Variants in SPATA16 observed in about 807,000 individuals in gnomAD.
SPATA16 encodes the protein spermatogenesis-associated protein 16.
Under a neutral mutation model 63.3 loss-of-function variants are expected in SPATA16, and 36 were observed. That is an observed-to-expected ratio of 0.57 (90% confidence interval 0.44 to 0.75). The LOEUF (loss-of-function observed/expected upper bound fraction) is 0.75. Ranked by LOEUF, SPATA16 falls within the 30% of genes least tolerant of loss-of-function variation. The probability of loss-of-function intolerance (pLI) is 0.00; values close to 1 mark genes in which losing one functional copy is unlikely to be tolerated. For missense variants in SPATA16, 646 were observed against 679.3 expected (o/e 0.95, Z 0.54); for synonymous variants, 203 against 216.7 (o/e 0.94, Z 0.56).
At chr3:172,925,828 A>T (rs1443524005) in intron 6 of SPATA16, among the ~76,000 whole-genome samples, 1 of 151,628 alleles carries the variant, frequency 6.6e-6, no homozygotes, top group African/African-American at 2.4e-5. Flanking sequence ...AGAGACTTCG[A>T]TTTTTCTTTT....
chr3:173,003,603 C>G (rs1461359612), intron 4 of SPATA16, among the ~76,000 whole-genome samples: 1 of 152,186 alleles, frequency 6.6e-6, no homozygotes, highest in Non-Finnish European at 1.5e-5. Flanking sequence ...CAGCAAGCAT[C>G]TGACAAAGTT....
chr3:173,125,320 T>A (rs2108343599), intron 1 of SPATA16, among the ~76,000 whole-genome samples: 2 of 152,334 alleles, frequency 1.3e-5, no homozygotes, highest in South Asian at 4.1e-4. Flanking sequence ...CATGATCTCC[T>A]CTCTAGATTA....
In SPATA16 at chr3:172,992,235, TA is replaced by T. The variant is rs145144063; in HGVS notation, c.849-15184del. Among the ~76,000 whole-genome samples, 1,502 of 152,286 alleles carry T rather than the reference TA, an allele frequency of 9.9e-3. 26 individuals carry two copies. Among genetic ancestry groups the T allele is most frequent in the African/African-American group, 0.033 (1,382 of 41,556 alleles). On this transcript the variant is annotated intron_variant, in intron 4 of 10. Coordinates refer to ENST00000351008, the MANE Select transcript of SPATA16 (RefSeq NM_031955.6). ...TTTGTCTTTTTAAAAATTGTTTTTT[TA>T]ATTTTGCAAATGTGCCCAGAGGCAT...
rs776183936 is a variant in SPATA16 at position 172,916,302 on chromosome 3, A to G, written c.1503+15T>C. ...TCTGGGCCTATGAAACCCTTAAACA[A>G]AGAAAAATACTTACCAATTCTGCCT... On this transcript the variant is annotated intron_variant, in intron 9 of 10. Coordinates refer to ENST00000351008, the MANE Select transcript of SPATA16 (RefSeq NM_031955.6). 6 of 1,612,736 alleles carry G rather than the reference A, an allele frequency of 3.7e-6. No individual in the cohort carries two copies. The highest frequency in any genetic ancestry group is 5.1e-6 in the Non-Finnish European group (6 of 1,179,296).
intron 4 of SPATA16, among the ~76,000 whole-genome samples, chr3:173,003,201 A>G (rs1170608717): frequency 2.6e-5 from 4 of 152,186 alleles, no homozygotes; most frequent in African/African-American, 9.6e-5. Context: ...GATGAAAGAC[A>G]AACAATCCAG....
chr3:172,980,626 T>G (rs558316554), intron 4 of SPATA16, among the ~76,000 whole-genome samples: 139 of 152,304 alleles, frequency 9.1e-4, no homozygotes, highest in African/African-American at 3.2e-3. Context: ...ACTTCTGCAC[T>G]AGATCTCATC....
rs762096024 is a variant in SPATA16 at position 173,117,682 on chromosome 3, T to C, written c.50A>G (p.Tyr17Cys). The C allele has an allele frequency of 1.2e-5, 20 of 1,614,046 alleles. No individual in the cohort carries two copies. Among genetic ancestry groups the C allele is most frequent in the East Asian group, 2.2e-5 (1 of 44,892 alleles). ...RSLENAVNRIYHDQLVPKINT... is the reference protein window; with the variant it reads ...RSLENAVNRICHDQLVPKINT... ...TATCTTTGGAACAAGCTGATCATGATAGATCCTATTCACTGCATTCTCCAA... is the reference window on the plus strand; with the variant it reads ...TATCTTTGGAACAAGCTGATCATGACAGATCCTATTCACTGCATTCTCCAA... Residue 17 changes from tyrosine (Y) to cysteine (C), a missense_variant, in exon 2 of 11, where the codon TAT (tyrosine) becomes TGT (cysteine). Coordinates refer to ENST00000351008, the MANE Select transcript of SPATA16 (RefSeq NM_031955.6).
chr3:173,120,501 T>C lies in SPATA16; in HGVS notation c.-18-2752A>G, dbSNP rs558549868. ...GATACCTCCCAGGTATCTTATCTTATTGATACTCTCTCTACTTCAAGCACC... is the reference window on the plus strand; with the variant it reads ...GATACCTCCCAGGTATCTTATCTTACTGATACTCTCTCTACTTCAAGCACC... On this transcript the variant is annotated intron_variant, in intron 1 of 10. Transcript: ENST00000351008. Among the ~76,000 whole-genome samples the C allele has an allele frequency of 2.2e-3, 333 of 152,310 alleles. 3 individuals carry two copies. Among genetic ancestry groups the C allele is most frequent in the Middle Eastern group, 6.8e-3 (2 of 294 alleles).
chr3:172,995,255 C>T (rs1261176874), intron 4 of SPATA16, among the ~76,000 whole-genome samples: 1 of 151,728 alleles, frequency 6.6e-6, no homozygotes, highest in African/African-American at 2.4e-5. Flanking sequence ...GTAGGAGGAT[C>T]CAGAGGAAAA....
At chr3:172,973,831 T>C (rs1055213401) in intron 5 of SPATA16, among the ~76,000 whole-genome samples, 4 of 152,180 alleles carry the variant, frequency 2.6e-5, no homozygotes, top group African/African-American at 9.7e-5. Context: ...TTCAGGATTG[T>C]GGTGAGGTCT....
intron 4 of SPATA16, among the ~76,000 whole-genome samples, chr3:173,017,278 C>G (rs1735211889): frequency 1.3e-5 from 2 of 152,160 alleles, no homozygotes; most frequent in African/African-American, 4.8e-5. Context: ...TCTCAAGAAG[C>G]ATTATCAGGT....
chr3:173,086,153 T>C (rs1737046016), intron 2 of SPATA16, among the ~76,000 whole-genome samples: 1 of 152,176 alleles, frequency 6.6e-6, no homozygotes, highest in African/African-American at 2.4e-5. Context: ...CAGCTGTAAA[T>C]CTGCCTTGTC....
intron 8 of SPATA16, among the ~76,000 whole-genome samples, chr3:172,918,352 G>A (rs1425345625): frequency 6.6e-6 from 1 of 152,140 alleles, no homozygotes; most frequent in Non-Finnish European, 1.5e-5. Flanking sequence ...TTTCCAAAAC[G>A]TCAGGAAAAT....
At chr3:172,925,602 A>G in intron 6 of SPATA16, 110 bp from the exon 7 acceptor site, 5 of 1,323,662 alleles carry the variant, frequency 3.8e-6, no homozygotes, top group Non-Finnish European at 4.3e-6. Flanking sequence ...ATAACTATAA[A>G]TGTGAAAGGT....
chr3:173,033,970 G>T (rs1380655318), intron 3 of SPATA16, among the ~76,000 whole-genome samples: 2 of 152,146 alleles, frequency 1.3e-5, no homozygotes, highest in African/African-American at 4.8e-5. Context: ...CTCCCAAAGA[G>T]CTGGGATTAC....
chr3:172,977,159 T>C, intron 4 of SPATA16, 107 bp from the exon 5 acceptor site: 1 of 921,978 alleles, frequency 1.1e-6, no homozygotes, highest in Non-Finnish European at 1.7e-6. Context: ...ATTTTTAATG[T>C]ATAAATTTGT....
chr3:172,937,774 C>T (rs1414564984), intron 6 of SPATA16, among the ~76,000 whole-genome samples: 2 of 151,976 alleles, frequency 1.3e-5, no homozygotes, highest in Non-Finnish European at 2.9e-5. Flanking sequence ...GAATGACTAA[C>T]TTAAAAAAAA....
chr3:172,998,745 G>C (rs1734749710), intron 4 of SPATA16, among the ~76,000 whole-genome samples: 1 of 152,052 alleles, frequency 6.6e-6, no homozygotes, highest in Non-Finnish European at 1.5e-5. Flanking sequence ...CTGAGAATTT[G>C]TGTCACGAAT....
intron 2 of SPATA16, among the ~76,000 whole-genome samples, chr3:173,068,373 G>C (rs1299787216): frequency 6.6e-6 from 1 of 152,148 alleles, no homozygotes. Flanking sequence ...GTAGAAGTTT[G>C]TAGTTTTCTA....
Sources: allele counts gnomAD v4.1 joint callset (sites outside exome capture counted in the v4.1 genomes callset), GRCh38; gene constraint gnomAD v4.1.1; transcripts MANE v1.5; gene names NCBI Gene and HGNC (gene_info 2026-07-23, HGNC 2026-07-21).